The following HEMK2 variants were observed in gnomAD, a reference collection of about 807,000 sequenced individuals.
HEMK2 encodes the protein methyltransferase HEMK2.
the HEMK2 span, among the ~76,000 whole-genome samples, chr21:28,725,128 C>A: frequency 6.6e-6 from 1 of 152,142 alleles, no homozygotes; most frequent in Non-Finnish European, 1.5e-5. Context: ...TACAGAGGAC[C>A]AGCTGATAGT....
At chr21:28,775,593 C>T in the HEMK2 span, among the ~76,000 whole-genome samples, 1 of 151,970 alleles carries the variant, frequency 6.6e-6, no homozygotes, top group African/African-American at 2.4e-5. Flanking sequence ...GAAGAAAAAC[C>T]CAGAATGAGG....
At chr21:28,756,831 A>C in the HEMK2 span, among the ~76,000 whole-genome samples, 1 of 152,222 alleles carries the variant, frequency 6.6e-6, no homozygotes, top group Non-Finnish European at 1.5e-5. Context: ...ACTATTCAGA[A>C]GTCTCCTTCA....
chr21:28,771,811 A>G, the HEMK2 span, among the ~76,000 whole-genome samples: 1 of 152,168 alleles, frequency 6.6e-6, no homozygotes, highest in East Asian at 1.9e-4. Flanking sequence ...TGTGAACACT[A>G]TTTTGGGAAC....
the HEMK2 span, among the ~76,000 whole-genome samples, chr21:28,838,669 G>C: frequency 1.3e-5 from 2 of 151,676 alleles, no homozygotes; most frequent in Non-Finnish European, 2.9e-5. Context: ...GCCAGGCACA[G>C]TGGCTCACAC....
the HEMK2 span, among the ~76,000 whole-genome samples, chr21:28,676,475 CAA>C: frequency 6.6e-6 from 1 of 152,194 alleles, no homozygotes; most frequent in African/African-American, 2.4e-5. Context: ...ATCATAATCA[CAA>C]AAGACACAAT....
the HEMK2 span, among the ~76,000 whole-genome samples, chr21:28,642,859 T>C: frequency 2.6e-5 from 4 of 152,162 alleles, no homozygotes; most frequent in Non-Finnish European, 5.9e-5. Context: ...GCTCAGCCAC[T>C]TGTGTTGCTC....
the HEMK2 span, among the ~76,000 whole-genome samples, chr21:28,860,878 T>C: frequency 6.6e-6 from 1 of 152,308 alleles, no homozygotes; most frequent in East Asian, 1.9e-4. Context: ...AAAAAGGTTC[T>C]AATAGTTTAT....
the HEMK2 span, among the ~76,000 whole-genome samples, chr21:28,589,407 T>TG: frequency 6.6e-6 from 1 of 152,014 alleles, no homozygotes; most frequent in Non-Finnish European, 1.5e-5. Flanking sequence ...CTGAGGGGGT[T>TG]GGGGGAGAAA....
the HEMK2 span, among the ~76,000 whole-genome samples, chr21:28,647,401 A>G: frequency 6.7e-6 from 1 of 148,298 alleles, no homozygotes; most frequent in Non-Finnish European, 1.5e-5. Context: ...CCAGCTACTC[A>G]GGAGGCTGAA....
At chr21:28,831,809 T>C in the HEMK2 span, among the ~76,000 whole-genome samples, 1 of 151,882 alleles carries the variant, frequency 6.6e-6, no homozygotes, top group Non-Finnish European at 1.5e-5. Flanking sequence ...GGGTCCCTAA[T>C]ACCTATATGC....
chr21:28,875,999 T>C, the HEMK2 span: 1 of 156,392 alleles, frequency 6.4e-6, no homozygotes, highest in Non-Finnish European at 1.4e-5. Context: ...AATTATGACA[T>C]AGAGTTGGAG....
chr21:28,826,192 T>C, the HEMK2 span, among the ~76,000 whole-genome samples: 2 of 152,216 alleles, frequency 1.3e-5, no homozygotes, highest in East Asian at 3.8e-4. Flanking sequence ...TCTCTCTCAC[T>C]GCCTTTTGAC....
the HEMK2 span, among the ~76,000 whole-genome samples, chr21:28,804,439 T>C: frequency 6.6e-6 from 1 of 152,182 alleles, no homozygotes; most frequent in Non-Finnish European, 1.5e-5. Flanking sequence ...ATATCTCATA[T>C]AATTAAATGT....
chr21:28,752,763 G>C, the HEMK2 span, among the ~76,000 whole-genome samples: 16 of 152,200 alleles, frequency 1.1e-4, 1 homozygote, highest in South Asian at 3.3e-3. Context: ...GATAAAGCCA[G>C]CTCTACATGC....
At chr21:28,793,977 C>G in the HEMK2 span, among the ~76,000 whole-genome samples, 1 of 152,178 alleles carries the variant, frequency 6.6e-6, no homozygotes, top group Non-Finnish European at 1.5e-5. Context: ...GACTTCCAGC[C>G]TGAAGAACTT....
chr21:28,664,141 A>G, the HEMK2 span, among the ~76,000 whole-genome samples: 2 of 152,184 alleles, frequency 1.3e-5, no homozygotes, highest in Non-Finnish European at 2.9e-5. Flanking sequence ...TCTTTTAGTA[A>G]GTTCTTTGAT....
chr21:28,701,747 C>A, the HEMK2 span, among the ~76,000 whole-genome samples: 1 of 152,040 alleles, frequency 6.6e-6, no homozygotes, highest in East Asian at 1.9e-4. Flanking sequence ...ATTAAAATGG[C>A]CATATTGCCC....
chr21:28,594,302 C>T, the HEMK2 span, among the ~76,000 whole-genome samples: 2 of 152,010 alleles, frequency 1.3e-5, no homozygotes, highest in East Asian at 3.9e-4. Flanking sequence ...GAAAGGATAA[C>T]AGGGAAAGAC....
At chr21:28,696,598 T>C in the HEMK2 span, among the ~76,000 whole-genome samples, 13 of 152,170 alleles carry the variant, frequency 8.5e-5, no homozygotes, top group Admixed American at 8.5e-4. Flanking sequence ...TCTACCATTC[T>C]GGGGTCTAGC....
Sources: gnomAD v4.1 joint callset for allele counts (sites outside exome capture counted in the v4.1 genomes callset) on GRCh38, gnomAD v4.1.1 for gene constraint, MANE v1.5 for transcripts, NCBI Gene and HGNC (gene_info 2026-07-23, HGNC 2026-07-21) for gene names.